Variants in DLGAP2 observed in about 807,000 individuals in gnomAD.
DLGAP2 encodes DLG associated protein 2, also known as disks large-associated protein 2.
DLGAP2 carries 26 observed loss-of-function variants against 100.3 expected under a neutral mutation model. That is an observed-to-expected ratio of 0.26 (90% CI 0.19 to 0.36). DLGAP2 has a LOEUF of 0.36. Ranked by LOEUF, DLGAP2 falls within the 10% of genes least tolerant of loss-of-function variation. DLGAP2 has a pLI of 1.00. For synonymous variants in DLGAP2, 886 were observed against 630.1 expected (o/e 1.41, Z -6.08); for missense variants, 1,858 against 1,453.2 (o/e 1.28, Z -4.53).
chr8:1,295,905 A>T (rs1800161440), intron 3 of DLGAP2: 1 of 152,230 alleles, frequency 6.6e-6, no homozygotes, highest in African/African-American at 2.4e-5. Flanking sequence ...TTAATTAATG[A>T]AGCGTCACAA....
intron 2 of DLGAP2, among the ~76,000 whole-genome samples, chr8:1,137,048 T>C (rs1001914994): frequency 1.2e-4 from 19 of 152,216 alleles, no homozygotes; most frequent in African/African-American, 3.4e-4. Context: ...CAGGAACTTA[T>C]GTTCTTGCAG....
At chr8:1,017,120 A>G (rs1295387263) in intron 2 of DLGAP2, among the ~76,000 whole-genome samples, 1 of 2,530 alleles carries the variant, frequency 4.0e-4, no homozygotes, top group Non-Finnish European at 9.4e-4. Flanking sequence ...GTGTGTGACC[A>G]GGACAGACGA....
intron 1 of DLGAP2, among the ~76,000 whole-genome samples, chr8:782,201 A>T (rs1456865573): frequency 6.6e-6 from 1 of 151,722 alleles, no homozygotes; most frequent in East Asian, 1.9e-4. Context: ...TTATGTTTCA[A>T]TAAAAAGGTA....
At chr8:1,104,322 C>T (rs1178112637) in intron 2 of DLGAP2, among the ~76,000 whole-genome samples, 2 of 151,948 alleles carry the variant, frequency 1.3e-5, no homozygotes, top group Non-Finnish European at 2.9e-5. Flanking sequence ...ATCAGCACAG[C>T]CATGTTACAT....
intron 3 of DLGAP2, among the ~76,000 whole-genome samples, chr8:1,377,109 G>C (rs549810771): frequency 6.6e-6 from 1 of 152,240 alleles, no homozygotes; most frequent in Non-Finnish European, 1.5e-5. Context: ...CCAGATAGGC[G>C]TGTGCGTCCC....
chr8:1,336,260 G>A (rs958699031), intron 3 of DLGAP2, among the ~76,000 whole-genome samples: 1 of 152,218 alleles, frequency 6.6e-6, no homozygotes, highest in Non-Finnish European at 1.5e-5. Context: ...TTCAATGCTA[G>A]CATGGAAACA....
At chr8:1,168,428 T>C (rs1371867081) in intron 2 of DLGAP2, among the ~76,000 whole-genome samples, 2 of 151,484 alleles carry the variant, frequency 1.3e-5, no homozygotes, top group East Asian at 2.0e-4. Context: ...ATGGTATTTC[T>C]AGTTCTAGAT....
Position 1,436,277 on chromosome 8 carries a change from TG to T in DLGAP2, c.107-65088del, listed in dbSNP as rs560095785. 1.5e-3 allele frequency among the ~76,000 whole-genome samples: 236 copies of T among 152,300 alleles called. 1 individual carries two copies. The highest frequency in any genetic ancestry group is 2.8e-3 in the Non-Finnish European group (189 of 68,034). ...CTGAGAGCCCCGGGCAAACCACTGGTGTGAGTCCAAGAGTCCAAAAGCTGAA... is the reference window on the plus strand; with the variant it reads ...CTGAGAGCCCCGGGCAAACCACTGGTTGAGTCCAAGAGTCCAAAAGCTGAA... On this transcript the variant is annotated intron_variant, in intron 3 of 14. Transcript: ENST00000637795.
Position 1,293,329 on chromosome 8 carries a change from G to A in DLGAP2, c.106+34446G>A, listed in dbSNP as rs564787918. Among the ~76,000 whole-genome samples the A allele has an allele frequency of 4.4e-4, 66 of 151,410 alleles. 1 individual carries two copies. Among genetic ancestry groups the A allele is most frequent in the Admixed American group, 1.2e-3 (19 of 15,234 alleles). ...GCAGCAGCAGGCTGGGCTCCCGGAC[G>A]GCTGAGCCATGGCTCCTTCCCTGTG... On this transcript the variant is annotated intron_variant, in intron 3 of 14. Transcript: ENST00000637795.
At chr8:1,174,240 A>C (rs1481073866) in intron 2 of DLGAP2, among the ~76,000 whole-genome samples, 1 of 152,024 alleles carries the variant, frequency 6.6e-6, no homozygotes, top group Non-Finnish European at 1.5e-5. Flanking sequence ...AGGGAATGTG[A>C]TAAGTCTACC....
intron 2 of DLGAP2, among the ~76,000 whole-genome samples, chr8:1,115,463 T>G (rs373006780): frequency 2.6e-5 from 4 of 152,228 alleles, no homozygotes; most frequent in Non-Finnish European, 4.4e-5. Flanking sequence ...GGAATAACTT[T>G]TCATCTGAAA....
chr8:1,494,943 G>A (rs374758002), intron 3 of DLGAP2, among the ~76,000 whole-genome samples: 7 of 152,334 alleles, frequency 4.6e-5, no homozygotes, highest in South Asian at 4.1e-4. Context: ...CACTCCTGGC[G>A]TAATGACAGA....
intron 3 of DLGAP2, among the ~76,000 whole-genome samples, chr8:1,409,439 C>T (rs1336096822): frequency 3.3e-5 from 5 of 152,302 alleles, no homozygotes; most frequent in African/African-American, 9.6e-5. Context: ...GAGAACCAAC[C>T]GGAAGAAATG....
Position 1,549,452 on chromosome 8 carries a change from C to A in DLGAP2, c.999C>A (p.Ser333Arg). 6.2e-7 allele frequency: 1 copy of A among 1,613,472 alleles called. No individual in the cohort carries two copies. Among genetic ancestry groups the A allele is most frequent in the Non-Finnish European group, 8.5e-7 (1 of 1,179,776 alleles). The change falls in exon 5 of 15, where the codon AGC (serine) becomes AGA (arginine). Residue 333 changes from serine (S) to arginine (R), a missense_variant. By Grantham distance (110) the Ser-to-Arg change is moderately radical. Coordinates refer to ENST00000637795, the MANE Select transcript of DLGAP2 (RefSeq NM_001346810.2). Reference sequence around the variant, plus strand: ...ACTGCTACCCCGACGCGCTGCAGAGCCCCTTCGGGGACCTGTCCCTCAAGA... The same window carrying A: ...ACTGCTACCCCGACGCGCTGCAGAGACCCTTCGGGGACCTGTCCCTCAAGA... ...VAHCYPDALQ[S>R]PFGDLSLKTS...
chr8:920,050 G>A (rs1798676190), intron 2 of DLGAP2, among the ~76,000 whole-genome samples: 2 of 152,180 alleles, frequency 1.3e-5, no homozygotes, highest in East Asian at 1.9e-4. Flanking sequence ...AAAGCACGCG[G>A]AGCATGGTCA....
At chr8:1,447,640 G>A (rs949197456) in intron 3 of DLGAP2, among the ~76,000 whole-genome samples, 11 of 152,314 alleles carry the variant, frequency 7.2e-5, no homozygotes, top group African/African-American at 2.2e-4. Flanking sequence ...TCTATTGATT[G>A]GAATAGTTTC....
At chr8:1,049,028 G>A (rs1802596021) in intron 2 of DLGAP2, among the ~76,000 whole-genome samples, 2 of 152,218 alleles carry the variant, frequency 1.3e-5, no homozygotes, top group South Asian at 2.1e-4. Context: ...ACATTGATAA[G>A]AGATTGACAA....
chr8:1,682,417 A>T (rs1798974045), intron 12 of DLGAP2, among the ~76,000 whole-genome samples: 3 of 152,184 alleles, frequency 2.0e-5, no homozygotes, highest in African/African-American at 7.2e-5. Flanking sequence ...TACAAAATTG[A>T]ATTTGATGAC....
At chr8:1,468,292 CAGCAGCCTCG>C (rs1446093150) in intron 3 of DLGAP2, among the ~76,000 whole-genome samples, 8 of 151,558 alleles carry the variant, frequency 5.3e-5, no homozygotes, top group African/African-American at 1.7e-4. Flanking sequence ...CCTGAGTCCC[CAGCAGCCTCG>C]GTCCATTCTG....
Sources: gnomAD v4.1 joint callset for allele counts (sites outside exome capture counted in the v4.1 genomes callset) on GRCh38, gnomAD v4.1.1 for gene constraint, MANE v1.5 for transcripts, NCBI Gene and HGNC (gene_info 2026-07-23, HGNC 2026-07-21) for gene names.